SNTG2: variants seen among roughly 807,000 people sequenced by gnomAD.
The protein encoded by SNTG2 is gamma-2-syntrophin.
Under a neutral mutation model 70.9 loss-of-function variants are expected in SNTG2, and 74 were observed. That is an observed-to-expected ratio of 1.04 (90% CI 0.86 to 1.27). SNTG2 has a LOEUF of 1.27. Ranked by LOEUF, SNTG2 falls within the 50% of genes most tolerant of loss-of-function variation. The pLI, the probability that SNTG2 is intolerant of heterozygous loss-of-function variation, is 0.00. For missense variants in SNTG2, 717 were observed against 690.7 expected (o/e 1.04, Z -0.43); for synonymous variants, 278 against 273.8 (o/e 1.02, Z -0.15).
At chr2:957,946 A>AG (rs1262909713) in intron 1 of SNTG2, among the ~76,000 whole-genome samples, 1 of 152,176 alleles carries the variant, frequency 6.6e-6, no homozygotes, top group Non-Finnish European at 1.5e-5. Context: ...TTTTTAGGTA[A>AG]GTAATATAGC....
At chr2:1,225,259 G>A (rs961783013) in intron 9 of SNTG2, among the ~76,000 whole-genome samples, 4 of 152,124 alleles carry the variant, frequency 2.6e-5, no homozygotes, top group Non-Finnish European at 5.9e-5. Flanking sequence ...TAATTTACAC[G>A]GTGTTTATTA....
intron 12 of SNTG2, among the ~76,000 whole-genome samples, 197 bp downstream of exon 12, chr2:1,247,640 T>C (rs1348589819): frequency 6.6e-6 from 1 of 152,192 alleles, no homozygotes; most frequent in African/African-American, 2.4e-5. Flanking sequence ...TTAACCCATT[T>C]CTTTCTTTAG....
chr2:1,185,815 G>A (rs759130321), intron 8 of SNTG2, among the ~76,000 whole-genome samples: 1 of 152,178 alleles, frequency 6.6e-6, no homozygotes, highest in Non-Finnish European at 1.5e-5. Flanking sequence ...ATGTCTTCAA[G>A]GCATTTTCCT....
intron 8 of SNTG2, among the ~76,000 whole-genome samples, chr2:1,185,113 A>T (rs1218469176): frequency 6.6e-6 from 1 of 152,214 alleles, no homozygotes; most frequent in Non-Finnish European, 1.5e-5. Flanking sequence ...TGAAACCCAA[A>T]AGGGCAGTCA....
At chr2:1,180,887 C>A (rs1671839748) in intron 8 of SNTG2, among the ~76,000 whole-genome samples, 2 of 152,002 alleles carry the variant, frequency 1.3e-5, no homozygotes, top group African/African-American at 4.8e-5. Flanking sequence ...ACTATGCAGC[C>A]ATAAAAAATG....
intron 1 of SNTG2, among the ~76,000 whole-genome samples, chr2:1,061,003 A>G (rs775748892): frequency 1.3e-5 from 2 of 152,240 alleles, no homozygotes; most frequent in Non-Finnish European, 2.9e-5. Context: ...GAAGGACAAC[A>G]GTGATAGAAA....
chr2:1,127,838 A>G (rs1298061157), intron 4 of SNTG2, among the ~76,000 whole-genome samples: 1 of 152,180 alleles, frequency 6.6e-6, no homozygotes, highest in African/African-American at 2.4e-5. Context: ...TTCATTTATC[A>G]GTGCTAAGAG....
At chr2:1,043,238 T>G (rs540450126) in intron 1 of SNTG2, among the ~76,000 whole-genome samples, 28 of 152,204 alleles carry the variant, frequency 1.8e-4, no homozygotes, top group African/African-American at 6.7e-4. Flanking sequence ...TTTTGTTAGA[T>G]TTGTTGAAGT....
intron 14 of SNTG2, among the ~76,000 whole-genome samples, chr2:1,296,242 C>T (rs1449762793): frequency 6.6e-6 from 1 of 152,252 alleles, no homozygotes; most frequent in African/African-American, 2.4e-5. Context: ...AGAATAATGA[C>T]AGCAAGCACA....
chr2:1,317,755 C>A (rs80138567), intron 16 of SNTG2, among the ~76,000 whole-genome samples: 1 of 33,986 alleles, frequency 2.9e-5, no homozygotes, highest in African/African-American at 9.2e-5. Context: ...CATTGAGCAT[C>A]AGGCCAGCAT....
At chr2:1,138,931 C>T (rs963941828) in intron 6 of SNTG2, among the ~76,000 whole-genome samples, 4 of 152,174 alleles carry the variant, frequency 2.6e-5, no homozygotes, top group African/African-American at 4.8e-5. Context: ...TGTAACTAAA[C>T]GGGGAATCAC....
intron 1 of SNTG2, among the ~76,000 whole-genome samples, chr2:1,081,880 C>T (rs867402014): frequency 2.6e-5 from 4 of 152,224 alleles, no homozygotes; most frequent in African/African-American, 7.2e-5. Flanking sequence ...TTGCAGTGGC[C>T]GGTCCCTGGG....
chr2:1,141,151 G>A (rs759950665), intron 6 of SNTG2, among the ~76,000 whole-genome samples: 3 of 152,116 alleles, frequency 2.0e-5, no homozygotes, highest in African/African-American at 4.8e-5. Flanking sequence ...CAGACCATGG[G>A]GACTTCATTC....
chr2:1,011,411 T>C (rs1382613581), intron 1 of SNTG2, among the ~76,000 whole-genome samples: 1 of 152,230 alleles, frequency 6.6e-6, no homozygotes, highest in Non-Finnish European at 1.5e-5. Context: ...ATAAATATGA[T>C]AACACCATCA....
intron 2 of SNTG2, among the ~76,000 whole-genome samples, chr2:1,084,083 C>T (rs1281141415): frequency 1.3e-5 from 2 of 152,118 alleles, no homozygotes; most frequent in African/African-American, 4.8e-5. Context: ...CCCCAAAAGC[C>T]ACCATGTGAG....
intron 1 of SNTG2, among the ~76,000 whole-genome samples, chr2:1,028,711 C>T (rs1007810852): frequency 1.3e-4 from 19 of 150,670 alleles, no homozygotes; most frequent in Non-Finnish European, 2.4e-4. Context: ...TCCTCTCTGC[C>T]TCTGCATCTG....
intron 1 of SNTG2, among the ~76,000 whole-genome samples, chr2:972,342 A>G (rs148033571): frequency 9.5e-4 from 145 of 152,316 alleles, no homozygotes; most frequent in African/African-American, 3.3e-3. Context: ...CATTTAGCAT[A>G]GTTAAGTCTC....
At chr2:1,209,367 C>T (rs1437059765) in intron 9 of SNTG2, 137 bp downstream of exon 9, 2 of 1,073,980 alleles carry the variant, frequency 1.9e-6, no homozygotes, top group African/African-American at 3.2e-5. Context: ...GTAGATTTAG[C>T]ATTTGGAATA....
chr2:1,111,672 A>G (rs1178152874), intron 4 of SNTG2, among the ~76,000 whole-genome samples: 1 of 152,264 alleles, frequency 6.6e-6, no homozygotes. Flanking sequence ...AATTACTTCA[A>G]GAATTTAGAT....
Sources: gnomAD v4.1 joint callset for allele counts (sites outside exome capture counted in the v4.1 genomes callset) on GRCh38, gnomAD v4.1.1 for gene constraint, MANE v1.5 for transcripts, NCBI Gene and HGNC (gene_info 2026-07-23, HGNC 2026-07-21) for gene names.